The following MIS18BP1 variants were observed in gnomAD, a reference collection of about 807,000 sequenced individuals.
MIS18BP1 encodes the protein MIS18 binding protein 1.
MIS18BP1 carries 72 observed loss-of-function variants against 116.1 expected under a neutral mutation model. The observed-to-expected ratio is 0.62, with a 90% CI of 0.51 to 0.75. The LOEUF (loss-of-function observed/expected upper bound fraction) is 0.75, where lower values mean the gene tolerates loss of function less well. MIS18BP1 is among the 30% of genes least tolerant of loss of function. The pLI is 0.00. For synonymous variants in MIS18BP1, 386 were observed against 427.0 expected (o/e 0.90, Z 1.18); for missense variants, 1,363 against 1,303.2 (o/e 1.05, Z -0.71).
rs139352459 is a variant in MIS18BP1 at position 45,240,981 on chromosome 14, G to A, written c.1143+1053C>T. On this transcript the variant is annotated intron_variant, in intron 4 of 16. Transcript: ENST00000310806. ...TAATGGGATTTCTAGCGAATATATT[G>A]AGATATAAAACCATAACTGGTATGT... 1.9e-3 allele frequency among the ~76,000 whole-genome samples: 289 copies of A among 152,284 alleles called. 4 individuals carry two copies. In the East Asian group the frequency reaches 0.04, roughly 21 times the overall value.
At chr14:45,222,902 A>G (rs1891012325) in intron 11 of MIS18BP1, among the ~76,000 whole-genome samples, 1 of 152,192 alleles carries the variant, frequency 6.6e-6, no homozygotes, top group South Asian at 2.1e-4. Context: ...GACAACAGAA[A>G]GAGAACAGAA....
intron 8 of MIS18BP1, 131 bp from the exon 9 acceptor site, chr14:45,227,945 GGGA>G: frequency 1.2e-6 from 1 of 846,868 alleles, no homozygotes; most frequent in Non-Finnish European, 1.8e-6. Flanking sequence ...GGGAGGCCGA[GGGA>G]GGAGGATTGC....
chr14:45,234,161 G>A (rs1891362279), intron 6 of MIS18BP1, among the ~76,000 whole-genome samples: 1 of 151,976 alleles, frequency 6.6e-6, no homozygotes, highest in Non-Finnish European at 1.5e-5. Flanking sequence ...TAGCAATGTG[G>A]AGGCCACTGG....
At chr14:45,223,698 C>T (rs941772175) in intron 11 of MIS18BP1, among the ~76,000 whole-genome samples, 2 of 152,224 alleles carry the variant, frequency 1.3e-5, no homozygotes, top group African/African-American at 4.8e-5. Flanking sequence ...CTTTTACTTT[C>T]CTCATACTTA....
At position 45,218,357 on chromosome 14, in the gene MIS18BP1, T is replaced by A. The variant is rs757637790; in HGVS notation, c.2767A>T (p.Met923Leu). ...RSPEECQRKY[M>L]ENPRGKGSQK... ...GATCCTTTTCCTCTGGGATTTTCCATGTATTTCCTCTGGCATTCTTCAGGA... is the reference window on the plus strand; with the variant it reads ...GATCCTTTTCCTCTGGGATTTTCCAAGTATTTCCTCTGGCATTCTTCAGGA... The change falls in exon 12 of 17, where the codon ATG becomes TTG. Residue 923 changes from methionine to leucine, a missense_variant. Met to Leu is a conservative substitution (Grantham distance 15). Coordinates refer to ENST00000310806, the MANE Select transcript of MIS18BP1 (RefSeq NM_018353.5). 6.2e-7 allele frequency: 1 copy of A among 1,614,110 alleles called. No homozygotes were observed. Among genetic ancestry groups the A allele is most frequent in the East Asian group, 2.2e-5 (1 of 44,866 alleles).
intron 1 of MIS18BP1, among the ~76,000 whole-genome samples, chr14:45,250,538 G>A (rs921587488): frequency 6.6e-6 from 1 of 152,206 alleles, no homozygotes; most frequent in Non-Finnish European, 1.5e-5. Context: ...ACAGATGGAG[G>A]TCACTAACAA....
rs1434791397 is a variant in MIS18BP1, at chr14:45,235,925, AAT to A, written c.1235_1236del (p.Tyr412LeufsTer4). 6.2e-7 allele frequency: 1 copy of A among 1,607,572 alleles called. No individual in the cohort carries two copies. Among genetic ancestry groups the A allele is most frequent in the Non-Finnish European group, 8.5e-7 (1 of 1,177,530 alleles). ...CGCTCTATAATTACATTACTGTGCC[AAT>A]ATATGTTAGTGACGTCTCTAGGAAA... Reference protein sequence around the residue: ...EGKLIDVTNIYWHSNVIIERI... With the variant: ...EGKLIDVTNIXWHSNVIIERI... On this transcript the variant is annotated frameshift_variant, in exon 6 of 17. Transcript: ENST00000310806. LOFTEE classifies it high-confidence loss of function.
chr14:45,225,938 G>A (rs1398289506), intron 10 of MIS18BP1, among the ~76,000 whole-genome samples: 2 of 152,056 alleles, frequency 1.3e-5, no homozygotes, highest in Non-Finnish European at 2.9e-5. Context: ...ATTACAATCC[G>A]TGGAAAAAGG....
chr14:45,236,686 C>T lies in MIS18BP1; in HGVS notation c.1218-742G>A, dbSNP rs368269030. On this transcript the variant is annotated intron_variant, in intron 5 of 16. Coordinates refer to ENST00000310806, the MANE Select transcript of MIS18BP1 (RefSeq NM_018353.5). Reference sequence around the variant, plus strand: ...ATTACTTCTCTTCAATTCTCTTTTGCTTTATTTACTTATTTAAGAAACTTT... The same window carrying T: ...ATTACTTCTCTTCAATTCTCTTTTGTTTTATTTACTTATTTAAGAAACTTT... Among the ~76,000 whole-genome samples the T allele has an allele frequency of 2.3e-4, 35 of 151,396 alleles. No homozygotes were observed. The East Asian group carries it at 5.2e-3, about 23-fold the overall frequency.
intron 1 of MIS18BP1, among the ~76,000 whole-genome samples, chr14:45,248,168 A>G (rs1447788610): frequency 6.6e-6 from 1 of 150,658 alleles, no homozygotes; most frequent in East Asian, 2.0e-4. Flanking sequence ...GGTTCAAGCA[A>G]TTCTCCTGCC....
In MIS18BP1 at chr14:45,224,050, G is replaced by A. The variant is rs372280643; in HGVS notation, c.2537C>T (p.Ser846Phe). Residue 846 changes from serine (S) to phenylalanine (F), a missense_variant, in exon 11 of 17, where the codon TCT becomes TTT. Transcript: ENST00000310806. Reference sequence around the variant, plus strand: ...AATTGGAAACTCTTTCCTAACACCAGACTTCTGAAGAGTTTCTTTGACGGA... The same window carrying A: ...AATTGGAAACTCTTTCCTAACACCAAACTTCTGAAGAGTTTCTTTGACGGA... ...RPSVKETLQKSGVRKEFPITE... is the reference protein window; with the variant it reads ...RPSVKETLQKFGVRKEFPITE... 4.3e-6 allele frequency: 7 copies of A among 1,613,640 alleles called. No individual in the cohort carries two copies. Among genetic ancestry groups the A allele is most frequent in the Non-Finnish European group, 5.9e-6 (7 of 1,179,952 alleles).
chr14:45,242,542 A>C, intron 3 of MIS18BP1, 24 bp from the exon 4 acceptor site: 4 of 1,551,052 alleles, frequency 2.6e-6, no homozygotes, highest in Non-Finnish European at 3.5e-6. Flanking sequence ...AAAACAAAAC[A>C]AAACAAAACA....
At chr14:45,229,790 A>G (rs1047428266) in intron 8 of MIS18BP1, among the ~76,000 whole-genome samples, 1 of 152,200 alleles carries the variant, frequency 6.6e-6, no homozygotes, top group Non-Finnish European at 1.5e-5. Context: ...AAAAGTAGAG[A>G]GCAGGTGCCG....
In MIS18BP1 at chr14:45,204,067, G is replaced by C. The variant is rs1566798138; in HGVS notation, c.*42C>G. 6.3e-7 allele frequency: 1 copy of C among 1,594,540 alleles called. No homozygotes were observed. Among genetic ancestry groups the C allele is most frequent in the Non-Finnish European group, 8.5e-7 (1 of 1,171,822 alleles). ...CCAGTTGAAAATACAAACACTGTCT[G>C]CTTTATGGTAAAAATCCCAGGAATC... On this transcript the variant is annotated 3_prime_UTR_variant, in exon 17 of 17. Transcript: ENST00000310806.
chr14:45,247,570 C>T (rs567882830), intron 1 of MIS18BP1, among the ~76,000 whole-genome samples, 193 bp from the exon 2 acceptor site: 4 of 151,912 alleles, frequency 2.6e-5, no homozygotes, highest in Admixed American at 2.6e-4. Flanking sequence ...TGATGGTGTA[C>T]ACGCCTGTAG....
At chr14:45,246,684 T>G in intron 2 of MIS18BP1, 59 bp downstream of exon 2, 1 of 1,472,950 alleles carries the variant, frequency 6.8e-7, no homozygotes, top group Non-Finnish European at 9.1e-7. Context: ...CCTAAAACAG[T>G]GTCTGAAACA....
At position 45,242,381 on chromosome 14, in the gene MIS18BP1, C is replaced by A. The variant is rs947868852; in HGVS notation, c.796G>T (p.Asp266Tyr). The change falls in exon 4 of 17, where the codon GAC becomes TAC. Residue 266 changes from aspartate (D) to tyrosine (Y), a missense_variant. Asp to Tyr is a radical substitution (Grantham distance 160). Coordinates refer to ENST00000310806, the MANE Select transcript of MIS18BP1 (RefSeq NM_018353.5). Reference protein sequence around the residue: ...SIVATTKSKKDTFVLESVDSA... With the variant: ...SIVATTKSKKYTFVLESVDSA... Reference sequence around the variant, plus strand: ...TCAACGCTTTCTAAAACAAACGTGTCCTTTTTGGATTTAGTGGTTGCAACT... The same window carrying A: ...TCAACGCTTTCTAAAACAAACGTGTACTTTTTGGATTTAGTGGTTGCAACT... 6.2e-7 allele frequency: 1 copy of A among 1,613,894 alleles called. No individual in the cohort carries two copies. Among genetic ancestry groups the A allele is most frequent in the Non-Finnish European group, 8.5e-7 (1 of 1,179,970 alleles).
At chr14:45,226,205 T>G (rs1318869081) in intron 10 of MIS18BP1, among the ~76,000 whole-genome samples, 1 of 152,202 alleles carries the variant, frequency 6.6e-6, no homozygotes. Context: ...GAAGTATAAG[T>G]AGCACTGCTT....
At chr14:45,210,788 C>T (rs1035644533) in intron 13 of MIS18BP1, among the ~76,000 whole-genome samples, 2 of 152,132 alleles carry the variant, frequency 1.3e-5, no homozygotes, top group African/African-American at 2.4e-5. Flanking sequence ...GAAATCTTGT[C>T]CTTAGGTCAA....
Sources: allele counts gnomAD v4.1 joint callset (sites outside exome capture counted in the v4.1 genomes callset), GRCh38; gene constraint gnomAD v4.1.1; transcripts MANE v1.5; gene names NCBI Gene and HGNC (gene_info 2026-07-23, HGNC 2026-07-21).